ENOSF1: variants seen among roughly 807,000 people sequenced by gnomAD.
ENOSF1 encodes mitochondrial enolase superfamily member 1.
Under a neutral mutation model 68.2 loss-of-function variants are expected in ENOSF1, and 73 were observed. That is an observed-to-expected ratio of 1.07 (90% CI 0.89 to 1.30). The LOEUF is 1.30. Ranked by LOEUF, ENOSF1 falls within the 50% of genes most tolerant of loss-of-function variation. The pLI is 0.00. For missense variants in ENOSF1, 589 were observed against 554.5 expected (o/e 1.06, Z -0.62); for synonymous variants, 223 against 210.4 (o/e 1.06, Z -0.52).
At chr18:674,535 T>C (rs2847172) in intron 15 of ENOSF1, 129 bp from the exon 16 acceptor site, 258,178 of 558,852 alleles carry the variant, frequency 0.46, 57,638 homozygotes, top group East Asian at 0.63. Context: ...TTTTTTTTTT[T>C]TGACATGGAG....
rs527413724 is a variant in ENOSF1 at position 679,001 on chromosome 18, G to A, written c.877-264C>T. Among the ~76,000 whole-genome samples, 7 of 152,170 alleles carry A rather than the reference G, an allele frequency of 4.6e-5. No homozygotes were observed. In the East Asian group the frequency reaches 9.7e-4, roughly 21 times the overall value. On this transcript the variant is annotated intron_variant, in intron 11 of 15. Transcript: ENST00000647584. The stretch of plus-strand genomic sequence containing the variant: ...TGCAGATCTCCTTCTGCGGTGTCCC[G>A]GCCCATGCTCCAGCTGCGCTCCTCC...
chr18:689,427 C>T (rs965310305), intron 8 of ENOSF1, among the ~76,000 whole-genome samples: 6 of 151,984 alleles, frequency 3.9e-5, no homozygotes, highest in African/African-American at 1.2e-4. Context: ...ACTACAGATA[C>T]GCATTACCAC....
In ENOSF1 at chr18:671,364, T is replaced by TC. The variant is rs762707189; in HGVS notation, c.*2940dup. 2.6e-6 allele frequency: 4 copies of TC among 1,565,010 alleles called. No homozygotes were observed. The African/African-American group carries it at 4.1e-5, about 16-fold the overall frequency. On this transcript the variant is annotated 3_prime_UTR_variant, in exon 16 of 16. Transcript: ENST00000647584. ...GAAACTAACATACTGTTCTGCTTTCTCCCCCGGGTTTATAGCCAGGTGACT... is the reference window on the plus strand; with the variant it reads ...GAAACTAACATACTGTTCTGCTTTCTCCCCCCGGGTTTATAGCCAGGTGACT...
At chr18:667,552 GA>G (rs1378901671), downstream of ENOSF1, among the ~76,000 whole-genome samples, 1 of 91,008 alleles carries the variant, frequency 1.1e-5, no homozygotes, top group African/African-American at 7.2e-5. Flanking sequence ...GATGGTGATG[GA>G]GATGGTGATG....
At chr18:667,582 G>GCGA, downstream of ENOSF1, 12 of 98,346 alleles carry the variant, frequency 1.2e-4, 2 homozygotes, top group African/African-American at 5.8e-4. Flanking sequence ...GATGGTGATG[G>GCGA]TGATGGTGAT....
In ENOSF1 at chr18:670,916, T is replaced by G. The variant is rs767873698; in HGVS notation, c.*3389A>C. 6.9e-6 allele frequency: 11 copies of G among 1,587,562 alleles called. No homozygotes were observed. Among genetic ancestry groups the G allele is most frequent in the Non-Finnish European group, 9.4e-6 (11 of 1,164,130 alleles). On this transcript the variant is annotated 3_prime_UTR_variant, in exon 16 of 16. Coordinates refer to ENST00000647584, the MANE Select transcript of ENOSF1 (RefSeq NM_017512.7). ...CTTGCCAGCCTACCACACTGAGCTCTTCAGTTCTTTAATATGGGAAAACAA... is the reference window on the plus strand; with the variant it reads ...CTTGCCAGCCTACCACACTGAGCTCGTCAGTTCTTTAATATGGGAAAACAA...
At chr18:706,319 A>C in intron 2 of ENOSF1, 151 bp downstream of exon 2, 1 of 528,276 alleles carries the variant, frequency 1.9e-6, no homozygotes, top group South Asian at 2.5e-5. Context: ...ACAAACCATG[A>C]AACTTTTTAC....
At chr18:703,986 C>T (rs2078651423) in intron 2 of ENOSF1, among the ~76,000 whole-genome samples, 1 of 152,180 alleles carries the variant, frequency 6.6e-6, no homozygotes. Context: ...CCTGCTCCCC[C>T]TTCACCTTCT....
chr18:689,240 T>G (rs1365107164), intron 8 of ENOSF1, among the ~76,000 whole-genome samples: 1 of 152,126 alleles, frequency 6.6e-6, no homozygotes, highest in Non-Finnish European at 1.5e-5. Flanking sequence ...GGCTTTGCAT[T>G]TGCTTGTGTA....
chr18:674,123 C>T lies in ENOSF1; in HGVS notation c.*182G>A, dbSNP rs191557331. ...CTTATTTAAGGATTAAGTAGGATAA[C>T]GTGCATTGATTTGCTAAAAGAATCA... is the stretch of plus-strand genomic sequence containing the variant. On this transcript the variant is annotated 3_prime_UTR_variant, in exon 16 of 16. Transcript: ENST00000647584. 7.1e-4 allele frequency: 389 copies of T among 548,488 alleles called. No individual in the cohort carries two copies. Among genetic ancestry groups the T allele is most frequent in the Non-Finnish European group, 1.1e-3 (335 of 310,552 alleles). The allele number at this position is 548,488 out of a possible 1,614,324, so 34.0% of individuals were successfully genotyped here.
chr18:670,943 T>G lies in ENOSF1; in HGVS notation c.*3362A>C. ...CAGTTCTTTAATATGGGAAAACAAATTGCAGAGTTTAGTCTCTGATTAGCT... is the reference window on the plus strand; with the variant it reads ...CAGTTCTTTAATATGGGAAAACAAAGTGCAGAGTTTAGTCTCTGATTAGCT... On this transcript the variant is annotated 3_prime_UTR_variant, in exon 16 of 16. Transcript: ENST00000647584. 6.6e-7 allele frequency: 1 copy of G among 1,518,626 alleles called. No individual in the cohort carries two copies. Among genetic ancestry groups the G allele is most frequent in the Non-Finnish European group, 9.0e-7 (1 of 1,116,198 alleles). 94.1% of individuals were successfully genotyped at this position (1,518,626 alleles called of 1,614,324 possible).
chr18:676,494 T>C (rs1444350133), intron 14 of ENOSF1, among the ~76,000 whole-genome samples: 1 of 152,186 alleles, frequency 6.6e-6, no homozygotes, highest in Non-Finnish European at 1.5e-5. Context: ...CCATAAGAAG[T>C]GCTTGTTCCC....
intron 8 of ENOSF1, 60 bp downstream of exon 8, chr18:690,485 AGAAG>A: frequency 6.3e-7 from 1 of 1,579,692 alleles, no homozygotes; most frequent in Non-Finnish European, 8.7e-7. Flanking sequence ...GTATGAGGAC[AGAAG>A]GAAAAACAGG....
At chr18:707,748 T>C (rs1300274208) in intron 1 of ENOSF1, 1 of 152,176 alleles carries the variant, frequency 6.6e-6, no homozygotes, top group Non-Finnish European at 1.5e-5. Flanking sequence ...TTTAATCTTA[T>C]AACAATATTA....
rs913035473 is a variant in ENOSF1 at position 673,379 on chromosome 18, A to G, written c.*926T>C. The G allele has an allele frequency of 1.8e-5, 4 of 227,174 alleles. No individual in the cohort carries two copies. The East Asian group carries it at 2.6e-4, about 15-fold the overall frequency. 14.1% of individuals were successfully genotyped at this position (227,174 alleles called of 1,614,324 possible). ...GAATATTTTAAGAATTTCACAAGCT[A>G]TTCCCTCAAATCTGAGGGAGCTGAG... is the stretch of plus-strand genomic sequence containing the variant. On this transcript the variant is annotated 3_prime_UTR_variant, in exon 16 of 16. Transcript: ENST00000647584.
rs577955910 is a variant in ENOSF1, at chr18:671,873, G to A, written c.*2432C>T. The A allele has an allele frequency of 1.5e-4, 27 of 176,646 alleles. No individual in the cohort carries two copies. Among genetic ancestry groups the A allele is most frequent in the South Asian group, 4.0e-4 (3 of 7,580 alleles). 10.9% of individuals were successfully genotyped at this position (176,646 alleles called of 1,614,324 possible). A position where few individuals can be genotyped will look rare whatever the true frequency, so the allele number is the denominator to read the frequency against. Reference sequence around the variant, plus strand: ...CAGCTCACTGCAACCTCCACCTCCCGGGTTCAAGCAATTCTTCTGCCTCAG... The same window carrying A: ...CAGCTCACTGCAACCTCCACCTCCCAGGTTCAAGCAATTCTTCTGCCTCAG... On this transcript the variant is annotated 3_prime_UTR_variant, in exon 16 of 16. Transcript: ENST00000647584.
chr18:667,493 TGATGGA>T (rs1567990797), downstream of ENOSF1, among the ~76,000 whole-genome samples: 9 of 32,792 alleles, frequency 2.7e-4, no homozygotes, highest in East Asian at 1.5e-3. Flanking sequence ...ATGGTGATGG[TGATGGA>T]GATGGTGATG....
chr18:706,816 T>TATATATATATA lies in ENOSF1; in HGVS notation c.85-239_85-238insTATATATATAT, dbSNP rs756834911. ...AGCAATGTATGTATATATATATATATTTTTTTTTTTTTTCTTTTTTGAGAC... is the reference window on the plus strand; with the variant it reads ...AGCAATGTATGTATATATATATATATATATATATATATTTTTTTTTTTTTCTTTTTTGAGAC... On this transcript the variant is annotated intron_variant, in intron 1 of 15. Transcript: ENST00000647584. 9.8e-3 allele frequency: 913 copies of TATATATATATA among 93,588 alleles called. 9 individuals carry two copies. Among genetic ancestry groups the TATATATATATA allele is most frequent in the African/African-American group, 0.037 (811 of 21,684 alleles). The allele number at this position is 93,588 out of a possible 1,614,324, so 5.8% of individuals were successfully genotyped here.
At chr18:709,310 C>G (rs142918667) in intron 1 of ENOSF1, among the ~76,000 whole-genome samples, 61 of 151,908 alleles carry the variant, frequency 4.0e-4, no homozygotes, top group Middle Eastern at 3.4e-3. Context: ...AAGAAGGGGC[C>G]AGTGGAGGAA....
Sources: allele counts gnomAD v4.1 joint callset (sites outside exome capture counted in the v4.1 genomes callset), GRCh38; gene constraint gnomAD v4.1.1; transcripts MANE v1.5; gene names NCBI Gene and HGNC (gene_info 2026-07-23, HGNC 2026-07-21).